ZNF235: variants seen among roughly 807,000 people sequenced by gnomAD.
ZNF235 encodes the protein zfp-93.
Under a neutral mutation model 29.4 loss-of-function variants are expected in ZNF235, and 25 were observed. The observed-to-expected ratio is 0.85, with a 90% CI of 0.62 to 1.19. The LOEUF (loss-of-function observed/expected upper bound fraction) is 1.19, where lower values mean the gene tolerates loss of function less well. ZNF235 is among the 50% of genes most tolerant of loss of function. The pLI is 0.00. For missense variants in ZNF235, 788 were observed against 885.0 expected, an observed-to-expected ratio of 0.89 and a Z score of 1.39; for synonymous variants, 300 against 295.3, an observed-to-expected ratio of 1.02 and a Z score of -0.16.
At chr19:44,301,685 G>A (rs1485660208) in intron 2 of ZNF235, among the ~76,000 whole-genome samples, 1 of 152,110 alleles carries the variant, frequency 6.6e-6, no homozygotes, top group East Asian at 1.9e-4. Flanking sequence ...TGGCCAGGCT[G>A]ATCTCGAACT....
At position 44,303,112 on chromosome 19, in the gene ZNF235, TATAA is replaced by T. The variant is rs1355653926; in HGVS notation, c.15+274_15+277del. ...TATATACAAATATACGTATATTTCT[TATAA>T]ATATATACATATATATTTGTATATA... On this transcript the variant is annotated intron_variant, in intron 2 of 4. Transcript: ENST00000291182. 3.6e-4 allele frequency among the ~76,000 whole-genome samples: 5 copies of T among 14,018 alleles called. No individual in the cohort carries two copies. In the East Asian group the frequency reaches 0.012, roughly 35 times the overall value. The allele number at this position is 14,018 out of a possible 152,430, so 9.2% of individuals were successfully genotyped here.
At chr19:44,303,106 AT>A (rs1975777226) in intron 2 of ZNF235, among the ~76,000 whole-genome samples, 10 of 67,916 alleles carry the variant, frequency 1.5e-4, no homozygotes, top group South Asian at 5.7e-4. Context: ...ATATACGTAT[AT>A]TTCTTATAAA....
At chr19:44,299,940 A>G (rs1369872544) in intron 2 of ZNF235, among the ~76,000 whole-genome samples, 2 of 152,198 alleles carry the variant, frequency 1.3e-5, no homozygotes, top group Non-Finnish European at 2.9e-5. Flanking sequence ...TGGCATACAC[A>G]CATTTTACCA....
chr19:44,287,567 C>G lies in ZNF235; in HGVS notation c.1868G>C (p.Gly623Ala). 6.2e-7 allele frequency: 1 copy of G among 1,614,224 alleles called. No individual in the cohort carries two copies. The highest frequency in any genetic ancestry group is 1.7e-5 in the Admixed American group (1 of 60,034). ...HLQAHQRVHTGEKPYKCDTCG... is the reference protein window; with the variant it reads ...HLQAHQRVHTAEKPYKCDTCG... ...AGTGTCACATTTATATGGTTTCTCT[C>G]CGGTGTGGACTCTCTGATGGGCTTG... The change falls in exon 5 of 5, where the codon GGA becomes GCA. Residue 623 changes from glycine (G) to alanine (A), a missense_variant. By Grantham distance (60) the Gly-to-Ala change is moderately conservative. Coordinates refer to ENST00000291182, the MANE Select transcript of ZNF235 (RefSeq NM_004234.4).
intron 4 of ZNF235, among the ~76,000 whole-genome samples, chr19:44,298,112 C>T (rs933653826): frequency 3.3e-5 from 5 of 151,926 alleles, no homozygotes; most frequent in Admixed American, 2.6e-4. Flanking sequence ...GAGTGAGACC[C>T]TATCTCAATC....
intron 4 of ZNF235, 122 bp from the exon 5 acceptor site, chr19:44,289,318 A>G (rs1168131871): frequency 1.2e-6 from 1 of 850,642 alleles, no homozygotes; most frequent in Non-Finnish European, 1.7e-6. Context: ...AGACTGGCTG[A>G]AATAAATTTA....
chr19:44,299,082 T>A (rs1179622304), intron 3 of ZNF235, among the ~76,000 whole-genome samples, 179 bp from the exon 4 acceptor site: 1 of 152,206 alleles, frequency 6.6e-6, no homozygotes, highest in South Asian at 2.1e-4. Context: ...TACATTACCC[T>A]GTGTAAACTA....
rs760045471 is a variant in ZNF235, at chr19:44,287,736, C to A, written c.1699G>T (p.Gly567Ter). 6.2e-7 allele frequency: 1 copy of A among 1,613,944 alleles called. No homozygotes were observed. The highest frequency in any genetic ancestry group is 1.3e-5 in the African/African-American group (1 of 74,896). ...NLHNHQRVHT[G>*]EKPYKCEECG... ...TCTTCACATTTGTAGGGTTTCTCTC[C>A]GGTGTGGACTCTCTGATGATTGTGA... The change falls in exon 5 of 5, where the codon GGA becomes TGA. Residue 567 changes from glycine to a stop codon, truncating the protein, a stop_gained. Coordinates refer to ENST00000291182, the MANE Select transcript of ZNF235 (RefSeq NM_004234.4). LOFTEE classifies it high-confidence loss of function.
At chr19:44,293,391 G>T (rs1364516758) in intron 4 of ZNF235, among the ~76,000 whole-genome samples, 3 of 151,790 alleles carry the variant, frequency 2.0e-5, no homozygotes, top group Non-Finnish European at 4.4e-5. Context: ...ACAATCCTAA[G>T]TATATACACA....
chr19:44,304,006 G>C (rs1975793880), intron 1 of ZNF235, among the ~76,000 whole-genome samples: 1 of 152,162 alleles, frequency 6.6e-6, no homozygotes, highest in Admixed American at 6.5e-5. Context: ...TAATTGCTCT[G>C]TCCTGTGAGT....
In ZNF235 at chr19:44,288,131, T is replaced by C; in HGVS notation, c.1304A>G (p.Asp435Gly). Residue 435 changes from aspartate to glycine, a missense_variant, in exon 5 of 5, where the codon GAT (aspartate) becomes GGT (glycine). Coordinates refer to ENST00000291182, the MANE Select transcript of ZNF235 (RefSeq NM_004234.4). ...GCTACAACTAAAGCGTTTACCACAA[T>C]CCCCACATTTATATGGTTTCTCTCC... ...HTGEKPYKCG[D>G]CGKRFSCSSN... 2 of 1,613,948 alleles carry C rather than the reference T, an allele frequency of 1.2e-6. No individual in the cohort carries two copies. The highest frequency in any genetic ancestry group is 1.7e-6 in the Non-Finnish European group (2 of 1,179,972).
Position 44,288,474 on chromosome 19 carries a change from A to G in ZNF235, c.961T>C (p.Cys321Arg). The change falls in exon 5 of 5, where the codon TGT (cysteine) becomes CGT (arginine). Residue 321 changes from cysteine (C) to arginine (R), a missense_variant. Transcript: ENST00000291182. ...SVRTGKKRYW[C>R]HECGKGFSQS... The stretch of plus-strand genomic sequence containing the variant: ...CTGAAACCTTTACCACATTCATGAC[A>G]CCAATAGCGTTTTTTCCCAGTACGA... 2 of 1,614,172 alleles carry G rather than the reference A, an allele frequency of 1.2e-6. No homozygotes were observed. The highest frequency in any genetic ancestry group is 1.7e-6 in the Non-Finnish European group (2 of 1,180,018).
At chr19:44,299,515 G>A in intron 3 of ZNF235, 91 bp downstream of exon 3, 1 of 1,528,382 alleles carries the variant, frequency 6.5e-7, no homozygotes. Context: ...ACACAGGATA[G>A]CCTGATACAA....
chr19:44,288,836 T>G lies in ZNF235; in HGVS notation c.599A>C (p.Gln200Pro). 6.2e-7 allele frequency: 1 copy of G among 1,612,832 alleles called. No individual in the cohort carries two copies. Among genetic ancestry groups the G allele is most frequent in the Non-Finnish European group, 8.5e-7 (1 of 1,179,160 alleles). The change falls in exon 5 of 5, where the codon CAG becomes CCG. Residue 200 changes from glutamine (Q) to proline (P), a missense_variant. By Grantham distance (76) the Gln-to-Pro change is moderately conservative. Coordinates refer to ENST00000291182, the MANE Select transcript of ZNF235 (RefSeq NM_004234.4). ...ACATAGTTTGTTTTTCATCTGAGTC[T>G]GCTTACAACTTCTCTGATAATTCTG... ...ETQNYQRSCKQTQMKNKLCIF... is the reference protein window; with the variant it reads ...ETQNYQRSCKPTQMKNKLCIF...
At chr19:44,304,152 G>T (rs1397903105) in intron 1 of ZNF235, among the ~76,000 whole-genome samples, 1 of 152,112 alleles carries the variant, frequency 6.6e-6, no homozygotes, top group Non-Finnish European at 1.5e-5. Flanking sequence ...TTACTAAGCT[G>T]GAGGAGCCTC....
rs565324783 is a variant in ZNF235 at position 44,288,238 on chromosome 19, T to A, written c.1197A>T (p.Gly399=). The A allele has an allele frequency of 1.9e-6, 3 of 1,614,174 alleles. No homozygotes were observed. The highest frequency in any genetic ancestry group is 2.7e-5 in the African/African-American group (2 of 75,054). ...ACACCTCACATTTATAAGGTTTCTC[T>A]CCAGTGTGAACTCTGCAATGAATGT... ...DLNIHCRVHT[G]EKPYKCEVCG... is the part of the protein sequence containing the mutation. Residue 399 remains glycine (G), a synonymous_variant, in exon 5 of 5, where the codon GGA becomes GGT. Coordinates refer to ENST00000291182, the MANE Select transcript of ZNF235 (RefSeq NM_004234.4).
chr19:44,294,068 A>T (rs987038387), intron 4 of ZNF235, among the ~76,000 whole-genome samples: 3 of 152,050 alleles, frequency 2.0e-5, no homozygotes, highest in Non-Finnish European at 4.4e-5. Flanking sequence ...CCACAGCAGA[A>T]CTAAATAAAA....
intron 4 of ZNF235, among the ~76,000 whole-genome samples, chr19:44,296,659 T>C (rs1187354148): frequency 6.6e-6 from 1 of 152,182 alleles, no homozygotes; most frequent in Non-Finnish European, 1.5e-5. Flanking sequence ...ACGTAGACTA[T>C]GATTATACAG....
At position 44,303,061 on chromosome 19, in the gene ZNF235, A is replaced by G. The variant is rs1475023460; in HGVS notation, c.15+329T>C. Reference sequence around the variant, plus strand: ...TATTGTATACATTTATATAAAATATACGTATATATTTGTATATATAATACA... The same window carrying G: ...TATTGTATACATTTATATAAAATATGCGTATATATTTGTATATATAATACA... On this transcript the variant is annotated intron_variant, in intron 2 of 4. Coordinates refer to ENST00000291182, the MANE Select transcript of ZNF235 (RefSeq NM_004234.4). 3.6e-5 allele frequency among the ~76,000 whole-genome samples: 5 copies of G among 138,482 alleles called. No individual in the cohort carries two copies. The East Asian group carries it at 1.0e-3, about 28-fold the overall frequency. 90.8% of individuals were successfully genotyped at this position (138,482 alleles called of 152,430 possible).
Sources: allele counts gnomAD v4.1 joint callset (sites outside exome capture counted in the v4.1 genomes callset), GRCh38; gene constraint gnomAD v4.1.1; transcripts MANE v1.5; gene names NCBI Gene and HGNC (gene_info 2026-07-23, HGNC 2026-07-21).